Variants in TMC5 observed in about 807,000 individuals in gnomAD.
TMC5 encodes transmembrane channel like 5, also known as transmembrane channel-like protein 5.
A neutral mutation model predicts 110.5 loss-of-function variants in TMC5; 86 were observed. The ratio of observed to expected loss-of-function variants is 0.78; its 90% CI spans 0.65 to 0.93. The LOEUF is 0.93. Ranked by LOEUF, TMC5 falls within the 40% of genes least tolerant of loss-of-function variation. TMC5 has a pLI of 0.00. For synonymous variants in TMC5, 455 were observed against 439.5 expected (o/e 1.04, Z -0.44); for missense variants, 1,144 against 1,222.8 (o/e 0.94, Z 0.96).
chr16:19,463,462 C>T, intron 7 of TMC5, 95 bp downstream of exon 7: 1 of 1,090,778 alleles, frequency 9.2e-7, no homozygotes, highest in South Asian at 1.3e-5. Flanking sequence ...AACCAAAAAT[C>T]AGAGCAATTT....
intron 1 of TMC5, among the ~76,000 whole-genome samples, chr16:19,422,163 G>A (rs942700121): frequency 4.6e-5 from 7 of 151,792 alleles, no homozygotes; most frequent in South Asian, 2.1e-4. Context: ...CCTGGGAGGT[G>A]GAGGTTGCAG....
At chr16:19,494,013 T>C (rs1244573592) in intron 19 of TMC5, among the ~76,000 whole-genome samples, 1 of 152,188 alleles carries the variant, frequency 6.6e-6, no homozygotes, top group African/African-American at 2.4e-5. Flanking sequence ...TGGAGGCTAC[T>C]TTCTCAAGCC....
chr16:19,440,850 C>T (rs968514870), intron 3 of TMC5, 24 bp downstream of exon 3: 4 of 1,592,666 alleles, frequency 2.5e-6, no homozygotes, highest in Admixed American at 1.7e-5. Context: ...TATATCCCTT[C>T]ACTGGGAGTG....
At chr16:19,445,615 A>C (rs1204239107) in intron 4 of TMC5, among the ~76,000 whole-genome samples, 1 of 152,088 alleles carries the variant, frequency 6.6e-6, no homozygotes, top group Non-Finnish European at 1.5e-5. Flanking sequence ...AGAAAAAAAA[A>C]ATCCAGGCCA....
In TMC5 at chr16:19,439,946, T is replaced by A; in HGVS notation, c.-79-14T>A. 1 of 1,122,710 alleles carries A rather than the reference T, an allele frequency of 8.9e-7. No individual in the cohort carries two copies. Among genetic ancestry groups the A allele is most frequent in the Non-Finnish European group, 1.3e-6 (1 of 779,838 alleles). The allele number at this position is 1,122,710 out of a possible 1,614,324, so 69.5% of individuals were successfully genotyped here. ...GAAAAAAATCTGACTTTTTCTTTTC[T>A]TCTTGTTTTTCAGGTGAAAAAAAAA... On this transcript the variant is annotated splice_polypyrimidine_tract_variant and intron_variant, in intron 2 of 21. Transcript: ENST00000542583.
chr16:19,462,442 A>C (rs1968047199), intron 6 of TMC5: 1 of 693,706 alleles, frequency 1.4e-6, no homozygotes. Flanking sequence ...TAATAAAGAC[A>C]TACTTGAGAC....
chr16:19,496,989 C>G (rs1203428694), intron 20 of TMC5, 132 bp from the exon 21 acceptor site: 1 of 750,770 alleles, frequency 1.3e-6, no homozygotes, highest in East Asian at 2.8e-5. Flanking sequence ...ATGGCGGAGA[C>G]TTGGCCTTAA....
chr16:19,461,051 C>T (rs547549814), intron 6 of TMC5, among the ~76,000 whole-genome samples: 4 of 152,156 alleles, frequency 2.6e-5, no homozygotes, highest in South Asian at 2.1e-4. Flanking sequence ...GTATCCTGGA[C>T]GAGATCCTGG....
intron 19 of TMC5, among the ~76,000 whole-genome samples, chr16:19,494,008 G>A (rs1335968856): frequency 1.3e-5 from 2 of 152,110 alleles, no homozygotes; most frequent in African/African-American, 4.8e-5. Flanking sequence ...ACTTCTGGAG[G>A]CTACTTTCTC....
At chr16:19,490,139 C>A (rs766718793) in intron 17 of TMC5, among the ~76,000 whole-genome samples, 1 of 152,244 alleles carries the variant, frequency 6.6e-6, no homozygotes, top group African/African-American at 2.4e-5. Context: ...TATCATTGAG[C>A]CAAGTTACTG....
intron 2 of TMC5, among the ~76,000 whole-genome samples, chr16:19,431,519 G>A (rs1225135395): frequency 6.6e-6 from 1 of 151,112 alleles, no homozygotes; most frequent in Admixed American, 6.6e-5. Context: ...TCCAGCCTGG[G>A]CAACAGGAGG....
chr16:19,479,309 CA>C (rs1299604517), intron 13 of TMC5, 121 bp from the exon 14 acceptor site: 7 of 789,330 alleles, frequency 8.9e-6, no homozygotes, highest in Non-Finnish European at 1.6e-5. Context: ...TTTGAGTACA[CA>C]AGGACTTGGT....
Position 19,477,297 on chromosome 16 carries a change from A to G in TMC5, c.2091-143A>G, listed in dbSNP as rs1968512446. 3 of 649,490 alleles carry G rather than the reference A, an allele frequency of 4.6e-6. No homozygotes were observed. The Admixed American group carries it at 8.1e-5, about 18-fold the overall frequency. 40.2% of individuals were successfully genotyped at this position (649,490 alleles called of 1,614,324 possible). A position where few individuals can be genotyped will look rare whatever the true frequency, so the allele number is the denominator to read the frequency against. On this transcript the variant is annotated intron_variant, in intron 12 of 21. Transcript: ENST00000542583. ...CACACATTGCTTCTGTTCACAATTC[A>G]TTCACTGGAACTAGCCATGTGCCCC...
At chr16:19,438,390 C>CA (rs60807937) in intron 2 of TMC5, among the ~76,000 whole-genome samples, 35,168 of 59,920 alleles carry the variant, frequency 0.59, 10,209 homozygotes, top group South Asian at 0.7. Context: ...GACACCCTGT[C>CA]AAAAAAAAAA....
intron 1 of TMC5, among the ~76,000 whole-genome samples, chr16:19,423,744 ATTG>A (rs1352700820): frequency 6.6e-6 from 1 of 151,780 alleles, no homozygotes; most frequent in Non-Finnish European, 1.5e-5. Context: ...CCACAATTTT[ATTG>A]TTATTATTAT....
intron 15 of TMC5, among the ~76,000 whole-genome samples, chr16:19,484,182 G>A (rs917680449): frequency 4.1e-4 from 62 of 152,128 alleles, no homozygotes; most frequent in Middle Eastern, 6.8e-3. Context: ...GTCATACAAC[G>A]GGAAAGTTTT....
At chr16:19,457,780 G>A (rs767927935) in intron 5 of TMC5, among the ~76,000 whole-genome samples, 1 of 132,736 alleles carries the variant, frequency 7.5e-6, no homozygotes, top group Non-Finnish European at 1.5e-5. Context: ...CTGGAGTGTA[G>A]AGGCACAATC....
At chr16:19,455,919 T>C (rs906172377) in intron 5 of TMC5, among the ~76,000 whole-genome samples, 6 of 152,082 alleles carry the variant, frequency 3.9e-5, no homozygotes, top group African/African-American at 1.4e-4. Flanking sequence ...ATATAAAATA[T>C]AAGTTCAGCC....
chr16:19,481,527 T>C, intron 15 of TMC5, 62 bp downstream of exon 15: 1 of 1,243,396 alleles, frequency 8.0e-7, no homozygotes, highest in Non-Finnish European at 1.2e-6. Context: ...GCTGGTGTTT[T>C]GGTGGCAAAG....
Sources: allele counts gnomAD v4.1 joint callset (sites outside exome capture counted in the v4.1 genomes callset), GRCh38; gene constraint gnomAD v4.1.1; transcripts MANE v1.5; gene names NCBI Gene and HGNC (gene_info 2026-07-23, HGNC 2026-07-21).